Variants in ABCG8 observed in about 807,000 individuals in gnomAD.
ABCG8 encodes the protein ATP binding cassette subfamily G member 8.
Under a neutral mutation model 71.3 loss-of-function variants are expected in ABCG8, and 81 were observed. That is an observed-to-expected ratio of 1.14 (90% CI 0.95 to 1.37). The LOEUF (loss-of-function observed/expected upper bound fraction) is 1.37. ABCG8 is among the 40% of genes most tolerant of loss of function. ABCG8 has a pLI of 0.00. For synonymous variants in ABCG8, 451 were observed against 354.7 expected (o/e 1.27, Z -3.05); for missense variants, 1,119 against 866.2 (o/e 1.29, Z -3.66).
Position 43,872,014 on chromosome 2 carries a change from G to T in ABCG8, c.1003G>T (p.Glu335Ter). 1 of 1,614,122 alleles carries T rather than the reference G, an allele frequency of 6.2e-7. No individual in the cohort carries two copies. The highest frequency in any genetic ancestry group is 8.5e-7 in the Non-Finnish European group (1 of 1,180,048). The change falls in exon 7 of 13, where the codon GAA becomes TAA. Residue 335 changes from glutamate to a stop codon, truncating the protein, a stop_gained. Coordinates refer to ENST00000272286, the MANE Select transcript of ABCG8 (RefSeq NM_022437.3). LOFTEE classifies it high-confidence loss of function. ...TSIDRRSREQ[E>*]LATREKAQSL... The stretch of plus-strand genomic sequence containing the variant: ...CATTGACAGGCGCAGCAGAGAGCAG[G>T]AATTGGCCACCAGGGAGAAGGCTCA...
rs576314984 is a variant in ABCG8, at chr2:43,841,728, T to G, written c.63+2612T>G. Among the ~76,000 whole-genome samples the G allele has an allele frequency of 4.3e-3, 658 of 152,238 alleles. 7 individuals are homozygous for G. The highest frequency in any genetic ancestry group is 0.014 in the African/African-American group (581 of 41,532). On this transcript the variant is annotated intron_variant, in intron 1 of 12. Transcript: ENST00000272286. ...CCCCTTCCTCTTACCCAGTTTCTGC[T>G]CTGCCTCCTCTGTCTGCCAGCTCCC...
chr2:43,859,426 G>A (rs995281107), intron 6 of ABCG8, among the ~76,000 whole-genome samples: 2 of 151,030 alleles, frequency 1.3e-5, no homozygotes, highest in Admixed American at 1.3e-4. Flanking sequence ...ACTCTGCATA[G>A]AACTCTCACT....
At chr2:43,849,965 C>T (rs1434886437) in intron 3 of ABCG8, among the ~76,000 whole-genome samples, 3 of 151,932 alleles carry the variant, frequency 2.0e-5, no homozygotes, top group East Asian at 1.9e-4. Context: ...TTTGGGAGGC[C>T]GAGGCAGGCG....
At position 43,875,306 on chromosome 2, in the gene ABCG8, C is replaced by T. The variant is rs202028007; in HGVS notation, c.1649C>T (p.Ala550Val). 1.9e-5 allele frequency: 31 copies of T among 1,614,154 alleles called. No individual in the cohort carries two copies. The East Asian group carries it at 5.8e-4, about 30-fold the overall frequency. The change falls in exon 11 of 13, where the codon GCG becomes GTG. Residue 550 changes from alanine to valine, a missense_variant. Physicochemically the swap from Ala to Val is moderately conservative, Grantham distance 64. Coordinates refer to ENST00000272286, the MANE Select transcript of ABCG8 (RefSeq NM_022437.3). ...TGCAGGATTATGGCCCTGGCCGCCGCGGCCCTGCTCCCCACCTTCCACATG... is the reference window on the plus strand; with the variant it reads ...TGCAGGATTATGGCCCTGGCCGCCGTGGCCCTGCTCCCCACCTTCCACATG... ...FCCRIMALAA[A>V]ALLPTFHMAS...
Position 43,879,882 on chromosome 2 carries a change from C to G in ABCG8, c.*1969C>G, listed in dbSNP as rs920838175. On this transcript the variant is annotated 3_prime_UTR_variant, in exon 13 of 13. Transcript: ENST00000272286. ...GGTGTCTGCTAGGCTTCTCCACAGC[C>G]AAGTTACTATTTTCCCTCCCTTTAT... The G allele has an allele frequency of 6.6e-6, 1 of 152,182 alleles. No homozygotes were observed. The highest frequency in any genetic ancestry group is 1.5e-5 in the Non-Finnish European group (1 of 68,040). 9.4% of individuals were successfully genotyped at this position (152,182 alleles called of 1,614,324 possible). A position where few individuals can be genotyped will look rare whatever the true frequency, so the allele number is the denominator to read the frequency against.
intron 6 of ABCG8, among the ~76,000 whole-genome samples, chr2:43,853,178 C>G (rs953636942): frequency 1.3e-5 from 2 of 152,174 alleles, no homozygotes; most frequent in African/African-American, 4.8e-5. Context: ...AGTCTTTATT[C>G]AGACTCAGTA....
rs182145232 is a variant in ABCG8 at position 43,865,791 on chromosome 2, A to C, written c.965-6185A>C. 2.1e-5 allele frequency among the ~76,000 whole-genome samples: 3 copies of C among 140,344 alleles called. No homozygotes were observed. The East Asian group carries it at 5.9e-4, about 27-fold the overall frequency. 92.1% of individuals were successfully genotyped at this position (140,344 alleles called of 152,430 possible). The stretch of plus-strand genomic sequence containing the variant: ...TATCAGTCTGGATAGAATTCTCACC[A>C]TCTGGATAGAACTTTCACTATCTGT... On this transcript the variant is annotated intron_variant, in intron 6 of 12. Transcript: ENST00000272286.
intron 11 of ABCG8, 105 bp downstream of exon 11, chr2:43,875,518 G>A (rs541002847): frequency 5.5e-4 from 776 of 1,418,060 alleles, no homozygotes; most frequent in Non-Finnish European, 6.7e-4. Flanking sequence ...GATCCAACTC[G>A]AGGCTGGCCC....
At position 43,882,003 on chromosome 2, in the gene ABCG8, T is replaced by C. The variant is rs1183668886; in HGVS notation, c.*4090T>C. ...TTATTTACAAAAACAGGCAGGTTGCTAGATTTGACCTGAGGGTGTAGTTTG... is the reference window on the plus strand; with the variant it reads ...TTATTTACAAAAACAGGCAGGTTGCCAGATTTGACCTGAGGGTGTAGTTTG... On this transcript the variant is annotated 3_prime_UTR_variant, in exon 13 of 13. Coordinates refer to ENST00000272286, the MANE Select transcript of ABCG8 (RefSeq NM_022437.3). The C allele has an allele frequency of 1.3e-5, 2 of 152,250 alleles. No homozygotes were observed. Among genetic ancestry groups the C allele is most frequent in the Non-Finnish European group, 2.9e-5 (2 of 68,048 alleles). 9.4% of individuals were successfully genotyped at this position (152,250 alleles called of 1,614,324 possible). A position where few individuals can be genotyped will look rare whatever the true frequency, so the allele number is the denominator to read the frequency against.
At chr2:43,863,679 T>C (rs1669415000) in intron 6 of ABCG8, among the ~76,000 whole-genome samples, 1 of 151,696 alleles carries the variant, frequency 6.6e-6, no homozygotes, top group Non-Finnish European at 1.5e-5. Flanking sequence ...TCTCACCATC[T>C]GGATAGAACT....
At chr2:43,869,817 A>T (rs755736996) in intron 6 of ABCG8, among the ~76,000 whole-genome samples, 6 of 151,638 alleles carry the variant, frequency 4.0e-5, no homozygotes, top group Admixed American at 3.9e-4. Flanking sequence ...AATTCTCACC[A>T]TCTGGCTAGA....
intron 2 of ABCG8, 129 bp from the exon 3 acceptor site, chr2:43,846,026 A>G: frequency 1.1e-6 from 1 of 946,048 alleles, no homozygotes; most frequent in South Asian, 1.3e-5. Context: ...GTTGGGGCCT[A>G]TTGTGTGTAG....
intron 1 of ABCG8, 98 bp from the exon 2 acceptor site, chr2:43,844,409 C>G (rs1262511929): frequency 3.2e-6 from 3 of 929,830 alleles, no homozygotes; most frequent in Non-Finnish European, 1.7e-6. Flanking sequence ...ACCACGTCGG[C>G]TCTAAGAAGT....
chr2:43,843,941 T>G (rs1668658361), intron 1 of ABCG8, among the ~76,000 whole-genome samples: 1 of 152,188 alleles, frequency 6.6e-6, no homozygotes, highest in South Asian at 2.1e-4. Flanking sequence ...AAATCAGATA[T>G]GAGGAGAAGT....
Position 43,877,664 on chromosome 2 carries a change from C to T in ABCG8, c.1860C>T (p.Leu620=), listed in dbSNP as rs2104952329. 1 of 1,614,114 alleles carries T rather than the reference C, an allele frequency of 6.2e-7. No individual in the cohort carries two copies. Among genetic ancestry groups the T allele is most frequent in the Non-Finnish European group, 8.5e-7 (1 of 1,180,012 alleles). Residue 620 remains leucine, a synonymous_variant, in exon 12 of 13, where the codon CTC becomes CTT. Transcript: ENST00000272286. ...RRTYKMPLGN[L]TIAVSGDKIL... The stretch of plus-strand genomic sequence containing the variant: ...CTTATAAAATGCCTCTCGGGAACCT[C>T]ACCATCGCGGTCTCAGGAGATAAAG...
At chr2:43,863,103 C>A (rs1669388001) in intron 6 of ABCG8, among the ~76,000 whole-genome samples, 1 of 151,374 alleles carries the variant, frequency 6.6e-6, no homozygotes, top group Non-Finnish European at 1.5e-5. Context: ...AGAACTCTCA[C>A]TATCTATCTG....
chr2:43,877,467 G>A lies in ABCG8; in HGVS notation c.1757-94G>A, dbSNP rs555823570. 12,197 of 1,576,870 alleles carry A rather than the reference G, an allele frequency of 7.7e-3. 77 individuals carry two copies. The highest frequency in any genetic ancestry group is 0.016 in the Middle Eastern group (70 of 4,402). On this transcript the variant is annotated intron_variant, in intron 11 of 12. Transcript: ENST00000272286. ...ATATGGGCAGACCATGGGAATATGG[G>A]GAGACTCTGTGAATATGGGGGAGAC... is the stretch of plus-strand genomic sequence containing the variant.
At position 43,877,940 on chromosome 2, in the gene ABCG8, G is replaced by T. The variant is rs1179833017; in HGVS notation, c.*27G>T. On this transcript the variant is annotated 3_prime_UTR_variant, in exon 13 of 13. Transcript: ENST00000272286. ...TCACGCCAGACGTCTGCCCGCTGGT[G>T]GGGGACCTGAGCAGACCCTTCAACT... 6.2e-7 allele frequency: 1 copy of T among 1,614,050 alleles called. No homozygotes were observed.
chr2:43,848,393 C>T (rs774859676), intron 3 of ABCG8: 7 of 152,148 alleles, frequency 4.6e-5, no homozygotes, highest in Non-Finnish European at 7.3e-5. Context: ...GCTCATCAGT[C>T]GGTAGCCTGT....
Sources: gnomAD v4.1 joint callset for allele counts (sites outside exome capture counted in the v4.1 genomes callset) on GRCh38, gnomAD v4.1.1 for gene constraint, MANE v1.5 for transcripts, NCBI Gene and HGNC (gene_info 2026-07-23, HGNC 2026-07-21) for gene names.